The following LRP12 variants were observed in gnomAD, a reference collection of about 807,000 sequenced individuals.
LRP12 encodes low-density lipoprotein receptor-related protein 12.
A neutral mutation model predicts 66.0 loss-of-function variants in LRP12; 14 were observed. The observed-to-expected ratio is 0.21, with a 90% CI of 0.14 to 0.33. The LOEUF (loss-of-function observed/expected upper bound fraction) is 0.33, where lower values mean the gene tolerates loss of function less well. Among genes scored for constraint, LRP12 ranks in the 10% least tolerant of loss-of-function variants. The probability of loss-of-function intolerance (pLI) is 1.00; values close to 1 mark genes in which losing one functional copy is unlikely to be tolerated. For missense variants in LRP12, 889 were observed against 1,053.4 expected (o/e 0.84, Z 2.16); for synonymous variants, 357 against 359.1 (o/e 0.99, Z 0.07).
chr8:104,550,850 T>C (rs1447005217), intron 1 of LRP12, among the ~76,000 whole-genome samples: 1 of 152,226 alleles, frequency 6.6e-6, no homozygotes, highest in African/African-American at 2.4e-5. Flanking sequence ...CTGGTTTTCC[T>C]ACTTTTGGTC....
intron 1 of LRP12, among the ~76,000 whole-genome samples, chr8:104,547,581 TTAATA>T (rs1425183899): frequency 8.2e-6 from 1 of 121,218 alleles, no homozygotes; most frequent in African/African-American, 3.2e-5. Flanking sequence ...TTATTATATA[TTAATA>T]TATAATATAT....
rs1244671654 is a variant in LRP12 at position 104,589,040 on chromosome 8, G to C, written c.-143C>G. The C allele has an allele frequency of 4.8e-6, 2 of 414,044 alleles. No homozygotes were observed. The highest frequency in any genetic ancestry group is 8.0e-6 in the Non-Finnish European group (2 of 249,142). 25.6% of individuals were successfully genotyped at this position (414,044 alleles called of 1,614,324 possible). A position where few individuals can be genotyped will look rare whatever the true frequency, so the allele number is the denominator to read the frequency against. On this transcript the variant is annotated 5_prime_UTR_variant, in exon 1 of 7. Transcript: ENST00000276654. ...CCTGCGCTCTCCGCGGCTGCGGGAGGGGGAAGGGAGGGGCCGCCGCCGCCC... is the reference window on the plus strand; with the variant it reads ...CCTGCGCTCTCCGCGGCTGCGGGAGCGGGAAGGGAGGGGCCGCCGCCGCCC...
At chr8:104,551,251 C>T (rs1430295796) in intron 1 of LRP12, among the ~76,000 whole-genome samples, 2 of 152,136 alleles carry the variant, frequency 1.3e-5, no homozygotes, top group Non-Finnish European at 2.9e-5. Flanking sequence ...ATTCTGTCTA[C>T]CTTAGGATGA....
intron 1 of LRP12, among the ~76,000 whole-genome samples, chr8:104,558,363 C>T (rs1364354507): frequency 6.6e-6 from 1 of 152,160 alleles, no homozygotes. Flanking sequence ...GGAAAGCACA[C>T]TCTATTCAAC....
intron 1 of LRP12, among the ~76,000 whole-genome samples, chr8:104,539,291 G>A (rs1811431602): frequency 6.6e-6 from 1 of 152,150 alleles, no homozygotes; most frequent in African/African-American, 2.4e-5. Context: ...TTCTTTTAGA[G>A]ATGCACTCTA....
chr8:104,578,162 T>TA (rs1194314411), intron 1 of LRP12, among the ~76,000 whole-genome samples: 1 of 150,174 alleles, frequency 6.7e-6, no homozygotes, highest in Non-Finnish European at 1.5e-5. Flanking sequence ...GCTAGGCTAA[T>TA]AAAGAAGAGA....
intron 1 of LRP12, among the ~76,000 whole-genome samples, chr8:104,573,713 G>A (rs1425732401): frequency 1.3e-5 from 2 of 151,542 alleles, no homozygotes; most frequent in Non-Finnish European, 2.9e-5. Context: ...TGGAACACTA[G>A]AATCTTTTAT....
chr8:104,497,707 C>G lies in LRP12; in HGVS notation c.845G>C (p.Gly282Ala), dbSNP rs1207359817. 1 of 1,613,900 alleles carries G rather than the reference C, an allele frequency of 6.2e-7. No homozygotes were observed. Among genetic ancestry groups the G allele is most frequent in the Admixed American group, 1.7e-5 (1 of 59,978 alleles). Residue 282 changes from glycine to alanine, a missense_variant, in exon 5 of 7, where the codon GGA becomes GCA. Around this residue, in one of 3 missense-constraint regions of LRP12, gnomAD observed 800 missense variants for 964.5 expected, o/e 0.83. Coordinates refer to ENST00000276654, the MANE Select transcript of LRP12 (RefSeq NM_013437.5). This position sits in a 1 kb window ranked among gnomAD's most constrained non-coding sequence, Gnocchi z 4.3. ...SPNYPDFYPP[G>A]SNCTWLIDTG... ...GTCTATTAACCAGGTGCAATTGCTTCCAGGAGGATAAAAGTCTGGATAATT... is the reference window on the plus strand; with the variant it reads ...GTCTATTAACCAGGTGCAATTGCTTGCAGGAGGATAAAAGTCTGGATAATT...
chr8:104,555,911 C>G (rs549109245), intron 1 of LRP12, among the ~76,000 whole-genome samples: 1 of 152,140 alleles, frequency 6.6e-6, no homozygotes, highest in African/African-American at 2.4e-5. Flanking sequence ...AATGAAAGGC[C>G]ACAAACGAGT....
rs1810787775 is a variant in LRP12, at chr8:104,499,343, T to C, written c.449A>G (p.Lys150Arg). ...TGAAAAATATGCCAGTCTGAAACCC[T>C]TTCTAGAGATGTTGTCATCCGAATG... ...RFHSDDNISRKGFRLAYFSGK... is the reference protein window; with the variant it reads ...RFHSDDNISRRGFRLAYFSGK... Residue 150 changes from lysine to arginine, a missense_variant, in exon 4 of 7, where the codon AAG becomes AGG. Coordinates refer to ENST00000276654, the MANE Select transcript of LRP12 (RefSeq NM_013437.5). The C allele has an allele frequency of 5.0e-6, 8 of 1,613,388 alleles. No individual in the cohort carries two copies. Among genetic ancestry groups the C allele is most frequent in the Non-Finnish European group, 6.8e-6 (8 of 1,179,734 alleles).
At chr8:104,549,776 C>T (rs2140879547) in intron 1 of LRP12, among the ~76,000 whole-genome samples, 1 of 152,248 alleles carries the variant, frequency 6.6e-6, no homozygotes, top group African/African-American at 2.4e-5. Context: ...GGTTTCAATT[C>T]ATCTGGATAC....
At chr8:104,498,841 A>G (rs149429670) in intron 4 of LRP12, among the ~76,000 whole-genome samples, 45 of 152,338 alleles carry the variant, frequency 3.0e-4, no homozygotes, top group African/African-American at 1.1e-3. Context: ...AGAGAGGACT[A>G]ATTCTGAATT....
intron 1 of LRP12, among the ~76,000 whole-genome samples, chr8:104,583,668 A>G (rs553127682): frequency 1.3e-4 from 20 of 152,288 alleles, no homozygotes; most frequent in African/African-American, 4.3e-4. Context: ...AACTAAGTGA[A>G]GAGACAGCCA....
At chr8:104,511,394 A>T (rs1476335116) in intron 2 of LRP12, among the ~76,000 whole-genome samples, 2 of 151,464 alleles carry the variant, frequency 1.3e-5, no homozygotes, top group Non-Finnish European at 2.9e-5. Context: ...GCTGGAGTGC[A>T]GTGGCTATTC....
intron 1 of LRP12, among the ~76,000 whole-genome samples, chr8:104,548,938 A>AAAATAAATAAATAAATAAATAAATAAAT (rs558517655): frequency 1.3e-4 from 19 of 151,292 alleles, no homozygotes; most frequent in African/African-American, 4.4e-4. Flanking sequence ...AACTCCGTCA[A>AAAATAAATAAATAAATAAATAAATAAAT]AAATAAATAA....
chr8:104,562,757 T>A (rs144516042), intron 1 of LRP12, among the ~76,000 whole-genome samples: 1 of 152,182 alleles, frequency 6.6e-6, no homozygotes. Context: ...AATTAACATT[T>A]AATGTAGAAA....
intron 2 of LRP12, among the ~76,000 whole-genome samples, chr8:104,516,925 A>G (rs1203531515): frequency 6.6e-6 from 1 of 152,062 alleles, no homozygotes; most frequent in Non-Finnish European, 1.5e-5. Context: ...TGGGTTTTTT[A>G]AAACTGACAA....
At position 104,587,150 on chromosome 8, in the gene LRP12, G is replaced by A. The variant is rs549980355; in HGVS notation, c.79+1669C>T. On this transcript the variant is annotated intron_variant, in intron 1 of 6. Transcript: ENST00000276654. ...GATGACACAGGTTTTAATGAAAGAA[G>A]AGCCCATTTATTTATCTATTCTGAT... Among the ~76,000 whole-genome samples the A allele has an allele frequency of 5.9e-5, 9 of 152,280 alleles. No homozygotes were observed. In the East Asian group the frequency reaches 1.7e-3, roughly 29 times the overall value.
In LRP12 at chr8:104,490,585, A is replaced by G; in HGVS notation, c.*88T>C. 1 of 1,452,624 alleles carries G rather than the reference A, an allele frequency of 6.9e-7. No homozygotes were observed. The highest frequency in any genetic ancestry group is 9.2e-7 in the Non-Finnish European group (1 of 1,081,166). The allele number at this position is 1,452,624 out of a possible 1,614,324, so 90.0% of individuals were successfully genotyped here. ...AAATCACCCTGCATTTTTTCTTTTT[A>G]AACTAAAACTAGTTTAACTGTAAAG... is the stretch of plus-strand genomic sequence containing the variant. On this transcript the variant is annotated 3_prime_UTR_variant, in exon 7 of 7. Transcript: ENST00000276654.
Sources: gnomAD v4.1 joint callset for allele counts (sites outside exome capture counted in the v4.1 genomes callset) on GRCh38, gnomAD v4.1.1 for gene constraint, gnomAD v4.1.1 regional missense constraint, Gnocchi (gnomAD v3.1) non-coding constraint, MANE v1.5 for transcripts, NCBI Gene and HGNC (gene_info 2026-07-23, HGNC 2026-07-21) for gene names.